Variants in LIN7A observed in about 807,000 individuals in gnomAD.
The protein encoded by LIN7A is lin-7 cell polarity scaffold A, also known as protein lin-7 homolog A.
In LIN7A, 25 loss-of-function variants were observed where a neutral mutation model predicts 29.8. The observed-to-expected ratio is 0.84, with a 90% CI of 0.61 to 1.17. LIN7A has a LOEUF of 1.17. Ranked by LOEUF, LIN7A falls within the 50% of genes most tolerant of loss-of-function variation. The probability of loss-of-function intolerance (pLI) is 0.00; values close to 1 mark genes in which losing one functional copy is unlikely to be tolerated. For missense variants in LIN7A, 239 were observed against 287.0 expected, an observed-to-expected ratio of 0.83 and a Z score of 1.21; for synonymous variants, 118 against 107.5, an observed-to-expected ratio of 1.10 and a Z score of -0.60.
At chr12:80,815,759 T>G (rs1871499983) in intron 4 of LIN7A, among the ~76,000 whole-genome samples, 2 of 152,216 alleles carry the variant, frequency 1.3e-5, no homozygotes, top group South Asian at 4.1e-4. Context: ...TATTTTTAAG[T>G]TTTATCCCCT....
At chr12:80,890,572 G>GT (rs1875570700) in intron 1 of LIN7A, among the ~76,000 whole-genome samples, 2 of 152,182 alleles carry the variant, frequency 1.3e-5, no homozygotes, top group Non-Finnish European at 1.5e-5. Context: ...TAGCATAGGT[G>GT]TAAGTATCTA....
intron 2 of LIN7A, among the ~76,000 whole-genome samples, chr12:80,855,565 AT>A (rs1196885734): frequency 1.3e-5 from 2 of 152,144 alleles, no homozygotes; most frequent in African/African-American, 4.8e-5. Context: ...GTTGGAAAAC[AT>A]TCATAATATT....
At chr12:80,848,483 C>T (rs1243508694) in intron 2 of LIN7A, among the ~76,000 whole-genome samples, 161 bp from the exon 3 acceptor site, 3 of 152,090 alleles carry the variant, frequency 2.0e-5, no homozygotes, top group African/African-American at 7.2e-5. Context: ...ACTCCTTAAA[C>T]AGCAGATATT....
rs776623278 is a variant in LIN7A at position 80,845,908 on chromosome 12, C to T, written c.305G>A (p.Gly102Asp). ...TTCAACTACTCGAGGGTGGGAGTGG[C>T]CTTCACTAGCTGCAAAAGCTGCAAC... Reference protein sequence around the residue: ...ATVAAFAASEGHSHPRVVELP... With the variant: ...ATVAAFAASEDHSHPRVVELP... The change falls in exon 4 of 6, where the codon GGC (glycine) becomes GAC (aspartate). Residue 102 changes from glycine (G) to aspartate (D), a missense_variant. Transcript: ENST00000552864. 21 of 1,604,986 alleles carry T rather than the reference C, an allele frequency of 1.3e-5. No homozygotes were observed. The Admixed American group carries it at 1.7e-4, about 13-fold the overall frequency.
At chr12:80,852,474 T>C (rs1442667738) in intron 2 of LIN7A, among the ~76,000 whole-genome samples, 2 of 152,178 alleles carry the variant, frequency 1.3e-5, no homozygotes, top group Admixed American at 6.6e-5. Context: ...TTGTCTATTA[T>C]GTAAAAGCCT....
intron 2 of LIN7A, among the ~76,000 whole-genome samples, chr12:80,870,827 A>G (rs954490584): frequency 1.3e-5 from 2 of 152,230 alleles, no homozygotes; most frequent in African/African-American, 4.8e-5. Context: ...GCATAGGGAA[A>G]GATATTTTGT....
chr12:80,892,913 T>C (rs1297496209), intron 1 of LIN7A, among the ~76,000 whole-genome samples: 1 of 152,174 alleles, frequency 6.6e-6, no homozygotes, highest in Admixed American at 6.5e-5. Context: ...CTACATATTA[T>C]TGGTTCTAAA....
intron 1 of LIN7A, among the ~76,000 whole-genome samples, chr12:80,928,234 C>T (rs956314589): frequency 2.6e-5 from 4 of 152,130 alleles, no homozygotes; most frequent in African/African-American, 4.8e-5. Flanking sequence ...GTAATGGGAT[C>T]GCTGGGTCAA....
intron 5 of LIN7A, among the ~76,000 whole-genome samples, chr12:80,805,136 G>A (rs1158380756): frequency 1.3e-5 from 2 of 151,978 alleles, no homozygotes; most frequent in Non-Finnish European, 2.9e-5. Flanking sequence ...TATATATGAG[G>A]CACTTAAAAG....
chr12:80,845,052 C>T (rs1188720971), intron 4 of LIN7A, among the ~76,000 whole-genome samples: 1 of 151,890 alleles, frequency 6.6e-6, no homozygotes, highest in Non-Finnish European at 1.5e-5. Flanking sequence ...TCCTGGCTAA[C>T]ATGGTGAAAC....
chr12:80,911,318 G>A (rs1229204391), intron 1 of LIN7A, among the ~76,000 whole-genome samples: 1 of 120,434 alleles, frequency 8.3e-6, no homozygotes, highest in African/African-American at 3.2e-5. Context: ...GTCTCACTAT[G>A]TTGCCCAGGC....
At chr12:80,890,902 C>T (rs1196086352) in intron 1 of LIN7A, among the ~76,000 whole-genome samples, 1 of 152,104 alleles carries the variant, frequency 6.6e-6, no homozygotes, top group Admixed American at 6.5e-5. Flanking sequence ...ATCTCTAAAA[C>T]AACAACAGAG....
intron 1 of LIN7A, among the ~76,000 whole-genome samples, chr12:80,910,230 A>G (rs975270951): frequency 1.9e-4 from 29 of 152,174 alleles, no homozygotes; most frequent in African/African-American, 7.0e-4. Context: ...AGATAACCTT[A>G]TATTTTCTTC....
At chr12:80,872,723 C>T (rs559947358) in intron 2 of LIN7A, among the ~76,000 whole-genome samples, 15 of 152,306 alleles carry the variant, frequency 9.8e-5, no homozygotes, top group Admixed American at 5.9e-4. Context: ...CAGTTAATGT[C>T]TAGCATTCTC....
chr12:80,876,874 C>G (rs1218545472), intron 2 of LIN7A, among the ~76,000 whole-genome samples: 1 of 152,120 alleles, frequency 6.6e-6, no homozygotes, highest in Non-Finnish European at 1.5e-5. Flanking sequence ...GTAATCCCAG[C>G]ACTTTGGGAG....
intron 2 of LIN7A, among the ~76,000 whole-genome samples, chr12:80,857,878 C>T (rs1231354320): frequency 6.6e-6 from 1 of 152,138 alleles, no homozygotes; most frequent in Non-Finnish European, 1.5e-5. Flanking sequence ...GAGAAGGACA[C>T]ATGAGAAACG....
intron 2 of LIN7A, among the ~76,000 whole-genome samples, chr12:80,884,625 T>C (rs1875233122): frequency 6.6e-6 from 1 of 152,182 alleles, no homozygotes; most frequent in African/African-American, 2.4e-5. Context: ...TAGCTTTAGA[T>C]AGGACGGAGA....
intron 4 of LIN7A, among the ~76,000 whole-genome samples, chr12:80,817,748 A>G (rs1368848242): frequency 6.6e-6 from 1 of 152,180 alleles, no homozygotes; most frequent in Non-Finnish European, 1.5e-5. Flanking sequence ...ACAGACACCA[A>G]GACTGGCTAT....
At chr12:80,798,042 G>T (rs1870537119) in intron 5 of LIN7A, among the ~76,000 whole-genome samples, 1 of 152,168 alleles carries the variant, frequency 6.6e-6, no homozygotes, top group Admixed American at 6.5e-5. Context: ...TGAAGGCAAA[G>T]AATAACCAAC....
Sources: gnomAD v4.1 joint callset for allele counts (sites outside exome capture counted in the v4.1 genomes callset) on GRCh38, gnomAD v4.1.1 for gene constraint, MANE v1.5 for transcripts, NCBI Gene and HGNC (gene_info 2026-07-23, HGNC 2026-07-21) for gene names.